Variants in SEPTIN2 observed in about 807,000 individuals in gnomAD.
The protein encoded by SEPTIN2 is septin-2.
In SEPTIN2, 34 loss-of-function variants were observed where a neutral mutation model predicts 46.5. The ratio of observed to expected loss-of-function variants is 0.73; its 90% confidence interval spans 0.56 to 0.97. The LOEUF is 0.97. Among genes scored for constraint, SEPTIN2 ranks in the 50% least tolerant of loss-of-function variants. The pLI, the probability that SEPTIN2 is intolerant of heterozygous loss-of-function variation, is 0.00. For missense variants in SEPTIN2, 347 were observed against 448.4 expected (o/e 0.77, Z 2.04); for synonymous variants, 175 against 153.4 (o/e 1.14, Z -1.04).
At chr2:241,339,037 T>G (rs1575321339) in intron 7 of SEPTIN2, among the ~76,000 whole-genome samples, 1 of 91,472 alleles carries the variant, frequency 1.1e-5, no homozygotes, top group African/African-American at 3.6e-5. Context: ...TATATACATA[T>G]TATATATACA....
intron 1 of SEPTIN2, chr2:241,317,608 A>G: frequency 3.1e-6 from 3 of 969,066 alleles, no homozygotes; most frequent in South Asian, 4.8e-5. Context: ...AGGTAAGGCC[A>G]TTTGTATTGT....
intron 2 of SEPTIN2, chr2:241,324,689 T>G (rs2077661766): frequency 4.8e-6 from 1 of 206,844 alleles, no homozygotes; most frequent in Admixed American, 5.6e-5. Flanking sequence ...CTGGCCTAAT[T>G]GTCATCTTAA....
intron 4 of SEPTIN2, 152 bp from the exon 5 acceptor site, chr2:241,335,823 C>G (rs1434895562): frequency 2.1e-6 from 2 of 930,760 alleles, no homozygotes; most frequent in Admixed American, 2.2e-5. Context: ...TTTCTGACTT[C>G]TCTGGGATCT....
intron 7 of SEPTIN2, among the ~76,000 whole-genome samples, chr2:241,342,407 G>A (rs547060984): frequency 2.0e-5 from 3 of 151,706 alleles, no homozygotes; most frequent in African/African-American, 7.3e-5. Flanking sequence ...GTTGTGCTGG[G>A]GCTATCGTTA....
chr2:241,339,553 T>A (rs2080969613), intron 7 of SEPTIN2, among the ~76,000 whole-genome samples: 1 of 152,166 alleles, frequency 6.6e-6, no homozygotes, highest in Non-Finnish European at 1.5e-5. Flanking sequence ...ATATACTGTA[T>A]CCTAATTCTT....
intron 7 of SEPTIN2, among the ~76,000 whole-genome samples, chr2:241,341,597 ATT>A (rs1409607688): frequency 3.3e-5 from 5 of 152,182 alleles, no homozygotes; most frequent in Non-Finnish European, 4.4e-5. Context: ...AGGAATAAGG[ATT>A]TATGAAAAGA....
chr2:241,320,860 TC>T (rs2077017116), intron 1 of SEPTIN2, among the ~76,000 whole-genome samples: 1 of 152,168 alleles, frequency 6.6e-6, no homozygotes, highest in Non-Finnish European at 1.5e-5. Flanking sequence ...ATTCATTTTT[TC>T]TCTTTATTGA....
chr2:241,315,452 C>G (rs11554054), upstream of SEPTIN2: 24,075 of 152,302 alleles, frequency 0.16, 2,091 homozygotes, highest in Middle Eastern at 0.28. Flanking sequence ...TCCGCACTCC[C>G]GCCACCACCT....
intron 10 of SEPTIN2, chr2:241,346,586 A>G (rs1346865250): frequency 1.9e-5 from 3 of 155,460 alleles, no homozygotes; most frequent in African/African-American, 4.8e-5. Context: ...CATCTCTACA[A>G]AAATTTAAAA....
At chr2:241,322,904 G>A (rs1461447540) in intron 1 of SEPTIN2, among the ~76,000 whole-genome samples, 1 of 151,994 alleles carries the variant, frequency 6.6e-6, no homozygotes, top group Non-Finnish European at 1.5e-5. Context: ...GTATCCGTGT[G>A]TATCCCATTT....
chr2:241,328,088 A>G (rs537061570), intron 3 of SEPTIN2, among the ~76,000 whole-genome samples: 2 of 152,250 alleles, frequency 1.3e-5, no homozygotes, highest in Admixed American at 6.5e-5. Flanking sequence ...AAAGAAATTT[A>G]TTACATACAG....
At chr2:241,325,048 C>T (rs1190295018) in intron 2 of SEPTIN2, 1 of 150,430 alleles carries the variant, frequency 6.6e-6, no homozygotes, top group Non-Finnish European at 1.5e-5. Flanking sequence ...GCATTTTATA[C>T]CAGTGTTAGC....
chr2:241,350,221 T>C lies in SEPTIN2; in HGVS notation c.*29+18T>C. Reference sequence around the variant, plus strand: ...AGTCAGAGGTAGGCCCTGTTGTCCCTTAGCCTGGAAGACAGGCAGTTACTA... The same window carrying C: ...AGTCAGAGGTAGGCCCTGTTGTCCCCTAGCCTGGAAGACAGGCAGTTACTA... On this transcript the variant is annotated intron_variant, in intron 12 of 12. Coordinates refer to ENST00000391971, the MANE Select transcript of SEPTIN2 (RefSeq NM_004404.5). The C allele has an allele frequency of 6.9e-7, 1 of 1,457,752 alleles. No individual in the cohort carries two copies. The allele number at this position is 1,457,752 out of a possible 1,614,324, so 90.3% of individuals were successfully genotyped here.
rs73020134 is a variant in SEPTIN2 at position 241,319,596 on chromosome 2, C to T, written c.-18+3614C>T. Among the ~76,000 whole-genome samples, 630 of 152,212 alleles carry T rather than the reference C, an allele frequency of 4.1e-3. 2 individuals are homozygous for T. The highest frequency in any genetic ancestry group is 7.4e-3 in the Non-Finnish European group (500 of 68,010). Reference sequence around the variant, plus strand: ...CCTGAATTAGATTTAAGCAGTTTTCCTTTTTTTCTTTTTTTGAGACAGTCT... The same window carrying T: ...CCTGAATTAGATTTAAGCAGTTTTCTTTTTTTTCTTTTTTTGAGACAGTCT... On this transcript the variant is annotated intron_variant, in intron 1 of 12. Transcript: ENST00000391971.
intron 9 of SEPTIN2, 133 bp downstream of exon 9, chr2:241,344,030 C>G (rs922233105): frequency 3.6e-6 from 4 of 1,122,490 alleles, no homozygotes; most frequent in Non-Finnish European, 5.2e-6. Flanking sequence ...TCTCACATCG[C>G]AGAAGTGGTG....
intron 3 of SEPTIN2, among the ~76,000 whole-genome samples, chr2:241,327,520 AC>A (rs1016947190): frequency 3.3e-5 from 5 of 151,640 alleles, no homozygotes; most frequent in African/African-American, 7.3e-5. Flanking sequence ...AAAAAAAAAA[AC>A]ATGAAAAAAT....
Position 241,343,829 on chromosome 2 carries a change from C to T in SEPTIN2, c.774C>T (p.Tyr258=). The T allele has an allele frequency of 6.2e-7, 1 of 1,614,200 alleles. No individual in the cohort carries two copies. Among genetic ancestry groups the T allele is most frequent in the South Asian group, 1.1e-5 (1 of 91,086 alleles). Reference sequence around the variant, plus strand: ...GAAAGAAGGTCAGAGGCCGCCTCTACCCCTGGGGTGTTGTGGAAGTGGAGA... The same window carrying T: ...GAAAGAAGGTCAGAGGCCGCCTCTATCCCTGGGGTGTTGTGGAAGTGGAGA... ...AKGKKVRGRL[Y]PWGVVEVENP... Residue 258 remains tyrosine, a synonymous_variant, in exon 9 of 13, where the codon TAC becomes TAT. Transcript: ENST00000391971.
intron 3 of SEPTIN2, among the ~76,000 whole-genome samples, chr2:241,330,042 GTAT>G (rs1459660100): frequency 6.6e-6 from 1 of 152,214 alleles, no homozygotes; most frequent in African/African-American, 2.4e-5. Flanking sequence ...AGAGAAGTTA[GTAT>G]TATTCCTAAT....
chr2:241,328,298 GGTGCATGCCTGT>G (rs1404486244), intron 3 of SEPTIN2, among the ~76,000 whole-genome samples: 2 of 152,156 alleles, frequency 1.3e-5, no homozygotes, highest in African/African-American at 4.8e-5. Flanking sequence ...TGGGCGTGGT[GGTGCATGCCTGT>G]GACCCAGCTA....
Sources: gnomAD v4.1 joint callset for allele counts (sites outside exome capture counted in the v4.1 genomes callset) on GRCh38, gnomAD v4.1.1 for gene constraint, MANE v1.5 for transcripts, NCBI Gene and HGNC (gene_info 2026-07-23, HGNC 2026-07-21) for gene names.